The following ALS2 variants were observed in gnomAD, a reference collection of about 807,000 sequenced individuals.
The protein encoded by ALS2 is alsin.
A neutral mutation model predicts 203.4 loss-of-function variants in ALS2; 117 were observed. The ratio of observed to expected loss-of-function variants is 0.58; its 90% CI spans 0.50 to 0.67. The LOEUF is 0.67. Among genes scored for constraint, ALS2 ranks in the 30% least tolerant of loss-of-function variants. ALS2 has a pLI of 0.00. For synonymous variants in ALS2, 718 were observed against 725.9 expected (o/e 0.99, Z 0.17); for missense variants, 1,715 against 1,989.4 (o/e 0.86, Z 2.62).
chr2:201,701,988 C>T, intron 33 of ALS2, 99 bp from the exon 34 acceptor site: 1 of 1,059,396 alleles, frequency 9.4e-7, no homozygotes, highest in South Asian at 1.3e-5. Flanking sequence ...CCCTTATGAA[C>T]AAATTCAGCT....
At position 201,780,292 on chromosome 2, in the gene ALS2, C is replaced by T. The variant is rs543596056; in HGVS notation, c.-61+585G>A. ...CGCTTCTCAAAATAACTTATCTTCT[C>T]CTCTTGATGAATTACTTGATAGGCT... On this transcript the variant is annotated intron_variant, in intron 1 of 33. Transcript: ENST00000264276. Among the ~76,000 whole-genome samples the T allele has an allele frequency of 1.2e-4, 19 of 152,314 alleles. No homozygotes were observed. The South Asian group carries it at 3.3e-3, about 27-fold the overall frequency.
At chr2:201,728,302 G>A (rs1309391022) in intron 15 of ALS2, among the ~76,000 whole-genome samples, 3 of 152,150 alleles carry the variant, frequency 2.0e-5, no homozygotes, top group African/African-American at 4.8e-5. Flanking sequence ...GTGTCCAAGT[G>A]TTCTCATTGT....
intron 7 of ALS2, among the ~76,000 whole-genome samples, chr2:201,752,567 G>A (rs1019365007): frequency 7.2e-5 from 11 of 151,924 alleles, no homozygotes; most frequent in African/African-American, 2.2e-4. Context: ...AAAGGGCTTC[G>A]AATCCTTTAT....
intron 1 of ALS2, among the ~76,000 whole-genome samples, chr2:201,773,962 TGGCCACAATCTCAGTGGTTTGTTTG>T (rs1694540631): frequency 1.3e-5 from 2 of 152,206 alleles, no homozygotes; most frequent in Non-Finnish European, 2.9e-5. Context: ...CGGCTGAGCA[TGGCCACAATCTCAGTGGTTTGTTTG>T]GGCACTGAAA....
In ALS2 at chr2:201,761,053, C is replaced by T. The variant is rs1177807756; in HGVS notation, c.941G>A (p.Ser314Asn). Residue 314 changes from serine (S) to asparagine (N), a missense_variant, in exon 4 of 34, where the codon AGC becomes AAC. By Grantham distance (46) the Ser-to-Asn change is conservative. This residue lies in a region of ALS2 where 476 missense variants were observed against 539.3 expected (regional missense o/e 0.88). Transcript: ENST00000264276. ...TTGTTGAGAGGACATGGCATCGCTG[C>T]TTGTGATCTGAGCACTTACTGCATT... Reference protein sequence around the residue: ...ELNAVSAQITSSDAMSSQQNV... With the variant: ...ELNAVSAQITNSDAMSSQQNV... 3.1e-6 allele frequency: 5 copies of T among 1,614,170 alleles called. No individual in the cohort carries two copies. The highest frequency in any genetic ancestry group is 2.2e-5 in the South Asian group (2 of 91,086).
chr2:201,770,149 A>G (rs991752670), intron 1 of ALS2, among the ~76,000 whole-genome samples: 1 of 152,218 alleles, frequency 6.6e-6, no homozygotes, highest in Non-Finnish European at 1.5e-5. Flanking sequence ...CACCAGATCT[A>G]ATCTGTGCTT....
chr2:201,750,168 C>CAA (rs200148047), intron 7 of ALS2, among the ~76,000 whole-genome samples: 167 of 114,802 alleles, frequency 1.5e-3, no homozygotes, highest in African/African-American at 3.8e-3. Context: ...GTCGGTATCC[C>CAA]AAAAAAAAAA....
At chr2:201,722,838 G>A in intron 23 of ALS2, 1 of 574,738 alleles carries the variant, frequency 1.7e-6, no homozygotes. Flanking sequence ...GTCACTGAAT[G>A]AGCAGAAGGG....
chr2:201,718,476 G>C (rs1460772913), intron 23 of ALS2, among the ~76,000 whole-genome samples: 1 of 151,992 alleles, frequency 6.6e-6, no homozygotes, highest in Non-Finnish European at 1.5e-5. Flanking sequence ...GGCCAGGCTG[G>C]TCTTGAACTC....
At chr2:201,707,089 T>C (rs1389889740) in intron 28 of ALS2, 67 bp from the exon 29 acceptor site, 2 of 1,471,510 alleles carry the variant, frequency 1.4e-6, no homozygotes, top group African/African-American at 1.4e-5. Context: ...GAATCCAAGG[T>C]AGAGCTTCAG....
In ALS2 at chr2:201,701,475, C is replaced by A; in HGVS notation, c.*376G>T. 1 of 175,422 alleles carries A rather than the reference C, an allele frequency of 5.7e-6. No homozygotes were observed. Among genetic ancestry groups the A allele is most frequent in the Non-Finnish European group, 1.2e-5 (1 of 81,756 alleles). 10.9% of individuals were successfully genotyped at this position (175,422 alleles called of 1,614,324 possible). ...GGCAAACCAGAAATTCAAAAATATC[C>A]ATCAACTTCTTTAATATAAGAAGCT... On this transcript the variant is annotated 3_prime_UTR_variant, in exon 34 of 34. Transcript: ENST00000264276.
chr2:201,729,312 T>C, intron 13 of ALS2, 129 bp from the exon 14 acceptor site: 1 of 1,030,250 alleles, frequency 9.7e-7, no homozygotes, highest in East Asian at 2.6e-5. Context: ...CGAGCATAAG[T>C]AGCACACTGC....
intron 20 of ALS2, among the ~76,000 whole-genome samples, chr2:201,724,698 T>A (rs1257807698): frequency 1.3e-5 from 2 of 152,200 alleles, no homozygotes; most frequent in East Asian, 3.8e-4. Flanking sequence ...TTTATTCTCT[T>A]ATGGGAAAAT....
At chr2:201,775,904 G>A (rs1030228381) in intron 1 of ALS2, among the ~76,000 whole-genome samples, 13 of 152,160 alleles carry the variant, frequency 8.5e-5, no homozygotes, top group African/African-American at 2.9e-4. Flanking sequence ...GCTCCTGGAG[G>A]TCAGAGACTA....
chr2:201,778,061 G>A (rs1295857447), intron 1 of ALS2, among the ~76,000 whole-genome samples: 9 of 151,906 alleles, frequency 5.9e-5, no homozygotes. Flanking sequence ...TAAGATCTTG[G>A]CTCTACAAAA....
At chr2:201,747,353 TGCAGCA>T (rs748611209) in intron 8 of ALS2, among the ~76,000 whole-genome samples, 1 of 151,950 alleles carries the variant, frequency 6.6e-6, no homozygotes, top group African/African-American at 2.4e-5. Flanking sequence ...CAGTGGTCTT[TGCAGCA>T]GCAGCAGCAG....
chr2:201,709,440 AC>A (rs1222479132), intron 27 of ALS2, among the ~76,000 whole-genome samples: 1 of 152,238 alleles, frequency 6.6e-6, no homozygotes, highest in African/African-American at 2.4e-5. Flanking sequence ...GATGGCTATT[AC>A]ATAGAAACGC....
rs1693488795 is a variant in ALS2 at position 201,757,777 on chromosome 2, A to T, written c.1114-18T>A. The T allele has an allele frequency of 6.5e-7, 1 of 1,548,504 alleles. No homozygotes were observed. Among genetic ancestry groups the T allele is most frequent in the African/African-American group, 1.4e-5 (1 of 73,074 alleles). ...AAAAGAGGCTAAAATATACACACAT[A>T]AAAAATTATATAAAAATATAATCCC... On this transcript the variant is annotated intron_variant, in intron 4 of 33. Transcript: ENST00000264276.
chr2:201,753,104 T>G, intron 7 of ALS2, 42 bp downstream of exon 7: 2 of 1,498,464 alleles, frequency 1.3e-6, no homozygotes, highest in Non-Finnish European at 1.9e-6. Flanking sequence ...ATGTTGGCCT[T>G]CCATGAAAAT....
Sources: gnomAD v4.1 joint callset for allele counts (sites outside exome capture counted in the v4.1 genomes callset) on GRCh38, gnomAD v4.1.1 for gene constraint, gnomAD v4.1.1 regional missense constraint, MANE v1.5 for transcripts, NCBI Gene and HGNC (gene_info 2026-07-23, HGNC 2026-07-21) for gene names.